Variants in GARRE1 observed in about 807,000 individuals in gnomAD.
GARRE1 encodes granule associated Rac and RHOG effector 1.
A neutral mutation model predicts 103.2 loss-of-function variants in GARRE1; 49 were observed. That is an observed-to-expected ratio of 0.47 (90% CI 0.38 to 0.60). The LOEUF (loss-of-function observed/expected upper bound fraction) is 0.60, where lower values mean the gene tolerates loss of function less well. GARRE1 is among the 20% of genes least tolerant of loss of function. The pLI is 0.00. For missense variants in GARRE1, 1,199 were observed against 1,370.5 expected (o/e 0.87, Z 1.98); for synonymous variants, 505 against 532.8 (o/e 0.95, Z 0.72).
intron 1 of GARRE1, among the ~76,000 whole-genome samples, chr19:34,268,452 TC>T (rs1207522780): frequency 6.6e-6 from 1 of 152,142 alleles, no homozygotes; most frequent in African/African-American, 2.4e-5. Context: ...GTAATAGAAT[TC>T]CTTCAAGAGT....
intron 1 of GARRE1, among the ~76,000 whole-genome samples, chr19:34,276,749 A>T (rs1052857171): frequency 6.6e-6 from 1 of 152,220 alleles, no homozygotes. Context: ...AGCTTGCTAT[A>T]GCAGCCAGTT....
chr19:34,331,332 TCTTGATACCC>T (rs2074137101), intron 7 of GARRE1, among the ~76,000 whole-genome samples: 1 of 152,168 alleles, frequency 6.6e-6, no homozygotes, highest in African/African-American at 2.4e-5. Context: ...AGGCCTGTGC[TCTTGATACCC>T]CTTTTATCTG....
At chr19:34,346,273 G>A (rs536764938) in intron 10 of GARRE1, among the ~76,000 whole-genome samples, 4 of 151,910 alleles carry the variant, frequency 2.6e-5, no homozygotes, top group Admixed American at 2.6e-4. Flanking sequence ...TGTTTTTTTT[G>A]ACACTTTCTG....
At chr19:34,314,076 C>T (rs1224972063) in intron 2 of GARRE1, among the ~76,000 whole-genome samples, 10 of 152,162 alleles carry the variant, frequency 6.6e-5, no homozygotes, top group African/African-American at 2.4e-4. Flanking sequence ...GCTGGGATTA[C>T]AGGCATGAGC....
At chr19:34,267,715 C>T (rs575229175) in intron 1 of GARRE1, among the ~76,000 whole-genome samples, 1 of 148,252 alleles carries the variant, frequency 6.7e-6, no homozygotes, top group African/African-American at 2.5e-5. Flanking sequence ...CTGGTGTAGA[C>T]TGTTGATTTT....
At chr19:34,352,274 C>T (rs1484305847) in intron 13 of GARRE1, among the ~76,000 whole-genome samples, 3 of 151,462 alleles carry the variant, frequency 2.0e-5, no homozygotes, top group South Asian at 2.1e-4. Context: ...TGGTGGCATG[C>T]GCTTGTAATC....
chr19:34,315,523 A>T (rs2074055982), intron 2 of GARRE1, among the ~76,000 whole-genome samples: 1 of 152,156 alleles, frequency 6.6e-6, no homozygotes, highest in Non-Finnish European at 1.5e-5. Flanking sequence ...CATCCTGGCT[A>T]ACACGGTGAA....
At position 34,341,667 on chromosome 19, in the gene GARRE1, C is replaced by T. The variant is rs2074186040; in HGVS notation, c.1733C>T (p.Ala578Val). The T allele has an allele frequency of 1.2e-6, 2 of 1,614,054 alleles. No individual in the cohort carries two copies. The highest frequency in any genetic ancestry group is 1.7e-6 in the Non-Finnish European group (2 of 1,180,020). Residue 578 changes from alanine (A) to valine (V), a missense_variant, in exon 10 of 14, where the codon GCC becomes GTC. By Grantham distance (64) the Ala-to-Val change is moderately conservative (BLOSUM62 0). Transcript: ENST00000299505. ...IFIAGCSEEKAKMPGNIDTRL... is the reference protein window; with the variant it reads ...IFIAGCSEEKVKMPGNIDTRL... ...ATAGCTGGATGTTCCGAAGAGAAGGCCAAAATGCCTGGCAATATTGATACA... is the reference window on the plus strand; with the variant it reads ...ATAGCTGGATGTTCCGAAGAGAAGGTCAAAATGCCTGGCAATATTGATACA...
chr19:34,302,520 C>T (rs969880772), intron 2 of GARRE1, among the ~76,000 whole-genome samples: 2 of 151,676 alleles, frequency 1.3e-5, no homozygotes, highest in Admixed American at 6.6e-5. Flanking sequence ...TCTCGAACTC[C>T]TAACCTCAAG....
At chr19:34,337,096 T>C (rs1022315294) in intron 8 of GARRE1, among the ~76,000 whole-genome samples, 1 of 151,916 alleles carries the variant, frequency 6.6e-6, no homozygotes, top group Non-Finnish European at 1.5e-5. Flanking sequence ...ATGTGCTTGT[T>C]GGGAAGAACA....
chr19:34,342,498 T>A (rs1225204715), intron 10 of GARRE1, 43 bp downstream of exon 10: 1 of 1,545,128 alleles, frequency 6.5e-7, no homozygotes. Context: ...CAACAGCAAA[T>A]GCAACTGCCG....
intron 3 of GARRE1, among the ~76,000 whole-genome samples, chr19:34,324,898 G>C (rs2074104892): frequency 6.6e-6 from 1 of 152,054 alleles, no homozygotes; most frequent in African/African-American, 2.4e-5. Flanking sequence ...CTATACATAA[G>C]GTATTATTTT....
intron 1 of GARRE1, among the ~76,000 whole-genome samples, chr19:34,299,118 A>C (rs190270116): frequency 2.2e-4 from 33 of 152,254 alleles, no homozygotes; most frequent in Admixed American, 4.6e-4. Context: ...GTCCCGTCCT[A>C]CTTTGGGACC....
chr19:34,327,836 G>A lies in GARRE1; in HGVS notation c.912G>A (p.Leu304=), dbSNP rs752539191. The A allele has an allele frequency of 3.2e-5, 51 of 1,614,110 alleles. No individual in the cohort carries two copies. In the East Asian group the frequency reaches 1.1e-3, roughly 35 times the overall value. ...ATGCAATGAAAGCCGGCTTCCACCT[G>A]AATCCAAAGGCGATTGAAGCAAGTT... is the stretch of plus-strand genomic sequence containing the variant. ...CEYAMKAGFH[L]NPKAIEASLQ... Residue 304 remains leucine, a synonymous_variant, in exon 5 of 14, where the codon CTG becomes CTA. Transcript: ENST00000299505.
chr19:34,306,870 T>C (rs2074009544), intron 2 of GARRE1, among the ~76,000 whole-genome samples: 3 of 152,218 alleles, frequency 2.0e-5, no homozygotes, highest in African/African-American at 7.2e-5. Context: ...GTAGTGAACA[T>C]GACAGAAATC....
chr19:34,276,150 TCTC>T (rs1314978539), intron 1 of GARRE1, among the ~76,000 whole-genome samples: 1 of 152,094 alleles, frequency 6.6e-6, no homozygotes, highest in Non-Finnish European at 1.5e-5. Flanking sequence ...TTCAAGCAGT[TCTC>T]CTGCCTCAGC....
chr19:34,348,167 T>TCACTCTCTCACATGGGG, intron 11 of GARRE1, 125 bp downstream of exon 11: 3 of 805,322 alleles, frequency 3.7e-6, no homozygotes, highest in Non-Finnish European at 5.2e-6. Flanking sequence ...AGCCCCCATG[T>TCACTCTCTCACATGGGG]GAGAGAGTGA....
intron 5 of GARRE1, 47 bp downstream of exon 5, chr19:34,327,913 T>C (rs770414673): frequency 5.6e-6 from 9 of 1,612,806 alleles, no homozygotes; most frequent in African/African-American, 2.7e-5. Flanking sequence ...GCGCTGCTCC[T>C]GCAGTCTAGT....
Position 34,331,378 on chromosome 19 carries a change from T to C in GARRE1, c.1263+1031T>C, listed in dbSNP as rs185854467. 1.1e-4 allele frequency among the ~76,000 whole-genome samples: 17 copies of C among 152,252 alleles called. No homozygotes were observed. The East Asian group carries it at 2.5e-3, about 22-fold the overall frequency. ...AAAATACTCTTCTCTCTGATTATCATGTAGGTCACTCCTTATCTTCTTGGT... is the reference window on the plus strand; with the variant it reads ...AAAATACTCTTCTCTCTGATTATCACGTAGGTCACTCCTTATCTTCTTGGT... On this transcript the variant is annotated intron_variant, in intron 7 of 13. Transcript: ENST00000299505.
Sources: gnomAD v4.1 joint callset for allele counts (sites outside exome capture counted in the v4.1 genomes callset) on GRCh38, gnomAD v4.1.1 for gene constraint, MANE v1.5 for transcripts, NCBI Gene and HGNC (gene_info 2026-07-23, HGNC 2026-07-21) for gene names.